The following PTDSS2 variants were observed in gnomAD, a reference collection of about 807,000 sequenced individuals.
PTDSS2 encodes the protein phosphatidylserine synthase 2.
A neutral mutation model predicts 64.7 loss-of-function variants in PTDSS2; 41 were observed. The ratio of observed to expected loss-of-function variants is 0.63; its 90% CI spans 0.49 to 0.82. The LOEUF is 0.82. Among genes scored for constraint, PTDSS2 ranks in the 40% least tolerant of loss-of-function variants. The pLI, the probability that PTDSS2 is intolerant of heterozygous loss-of-function variation, is 0.00. For synonymous variants in PTDSS2, 297 were observed against 277.8 expected, an observed-to-expected ratio of 1.07 and a Z score of -0.69; for missense variants, 485 against 650.0, an observed-to-expected ratio of 0.75 and a Z score of 2.76.
Position 461,862 on chromosome 11 carries a change from G to T in PTDSS2, c.284+1574G>T, listed in dbSNP as rs778086018. Among the ~76,000 whole-genome samples the T allele has an allele frequency of 6.6e-6, 1 of 152,190 alleles. No individual in the cohort carries two copies. Among genetic ancestry groups the T allele is most frequent in the African/African-American group, 2.4e-5 (1 of 41,450 alleles). Reference sequence around the variant, plus strand: ...CCCTGTGGAGGGGCCACCTGGGGACGCTGGACCTGTGGCTCTGGAGGCAGT... The same window carrying T: ...CCCTGTGGAGGGGCCACCTGGGGACTCTGGACCTGTGGCTCTGGAGGCAGT... On this transcript the variant is annotated intron_variant, in intron 2 of 11. Transcript: ENST00000308020. The surrounding 1 kb of genome is among the most constrained non-coding windows in gnomAD (Gnocchi z 4.2).
intron 1 of PTDSS2, among the ~76,000 whole-genome samples, chr11:454,798 AAAAG>A (rs1316917228): frequency 1.3e-5 from 2 of 152,174 alleles, no homozygotes; most frequent in Non-Finnish European, 2.9e-5. Flanking sequence ...CAAAAAGAAA[AAAAG>A]AAGTCAAGTT....
intron 1 of PTDSS2, among the ~76,000 whole-genome samples, chr11:457,663 C>G (rs1200354917): frequency 6.6e-6 from 1 of 152,206 alleles, no homozygotes; most frequent in African/African-American, 2.4e-5. Context: ...TGGTTTGTTT[C>G]CCGTTTTAGG....
intron 2 of PTDSS2, among the ~76,000 whole-genome samples, chr11:471,651 G>T (rs1486309003): frequency 6.7e-6 from 1 of 148,944 alleles, no homozygotes; most frequent in Admixed American, 6.7e-5. Flanking sequence ...GGGGTGACAC[G>T]CACCTGTCTG....
chr11:474,026 G>C, intron 3 of PTDSS2, 49 bp downstream of exon 3: 1 of 1,457,446 alleles, frequency 6.9e-7, no homozygotes, highest in Non-Finnish European at 9.6e-7. Flanking sequence ...TTTCTGTTCT[G>C]AGCGGCCACT....
chr11:487,510 T>C lies in PTDSS2; in HGVS notation c.621+40T>C, dbSNP rs747106198. 15 of 1,588,576 alleles carry C rather than the reference T, an allele frequency of 9.4e-6. No homozygotes were observed. In the Admixed American group the frequency reaches 2.5e-4, roughly 26 times the overall value. ...CTTCCCGGCCTCCCCGCCCCGGTTC[T>C]GAGGCCTGCCGTGGGCTCTGGACCG... On this transcript the variant is annotated intron_variant, in intron 6 of 11. Coordinates refer to ENST00000308020, the MANE Select transcript of PTDSS2 (RefSeq NM_030783.3).
rs753384793 is a variant in PTDSS2 at position 487,038 on chromosome 11, C to A, written c.535C>A (p.Pro179Thr). ...CGGGGGAAACTGCCTCATCTACGAC[C>A]CAGACAATGAGACTGACCCCTTTCA... ...DYGGNCLIYD[P>T]DNETDPFHNI... Residue 179 changes from proline to threonine, a missense_variant, in exon 5 of 12, where the codon CCA becomes ACA. Transcript: ENST00000308020. 6.2e-7 allele frequency: 1 copy of A among 1,613,602 alleles called. No homozygotes were observed. The highest frequency in any genetic ancestry group is 8.5e-7 in the Non-Finnish European group (1 of 1,179,942).
At chr11:466,580 G>T (rs150194278) in intron 2 of PTDSS2, among the ~76,000 whole-genome samples, 1,599 of 151,598 alleles carry the variant, frequency 0.011, 24 homozygotes, top group African/African-American at 0.032. Flanking sequence ...GCTAATTTTT[G>T]TATTTTTTAA....
At chr11:481,376 T>G (rs12099375) in intron 4 of PTDSS2, among the ~76,000 whole-genome samples, 143 of 152,370 alleles carry the variant, frequency 9.4e-4, no homozygotes, top group African/African-American at 3.4e-3. Flanking sequence ...ACCCTTTCCA[T>G]TCCTGTGAAA....
intron 4 of PTDSS2, among the ~76,000 whole-genome samples, chr11:480,784 A>G (rs1443247109): frequency 6.6e-6 from 1 of 152,016 alleles, no homozygotes; most frequent in Non-Finnish European, 1.5e-5. Context: ...CCTGACCTCA[A>G]ATGATCCGCC....
chr11:461,368 G>C lies in PTDSS2; in HGVS notation c.284+1080G>C, dbSNP rs1187404268. Among the ~76,000 whole-genome samples, 1 of 152,232 alleles carries C rather than the reference G, an allele frequency of 6.6e-6. No homozygotes were observed. The highest frequency in any genetic ancestry group is 2.1e-4 in the South Asian group (1 of 4,824). Reference sequence around the variant, plus strand: ...CCCAGTGCCCTGTCTGTAGGGGAGCGGATGCTTTAGAATCACGCACAGCAG... The same window carrying C: ...CCCAGTGCCCTGTCTGTAGGGGAGCCGATGCTTTAGAATCACGCACAGCAG... On this transcript the variant is annotated intron_variant, in intron 2 of 11. Transcript: ENST00000308020. This position sits in a 1 kb window ranked among gnomAD's most constrained non-coding sequence, Gnocchi z 4.2.
Position 490,771 on chromosome 11 carries a change from C to CGTGTGTGCGTGTGTATGCGT in PTDSS2, c.*195_*196insGCGTGTGTATGCGTGTGTGT. ...GCACAGCCTCATCTCCATGTGTACA[C>CGTGTGTGCGTGTGTATGCGT]GTGTGTACGTGTGTATGCGTGTGTG... is the stretch of plus-strand genomic sequence containing the variant. On this transcript the variant is annotated 3_prime_UTR_variant, in exon 12 of 12. Coordinates refer to ENST00000308020, the MANE Select transcript of PTDSS2 (RefSeq NM_030783.3). 3.4e-6 allele frequency: 2 copies of CGTGTGTGCGTGTGTATGCGT among 597,010 alleles called. No individual in the cohort carries two copies. Among genetic ancestry groups the CGTGTGTGCGTGTGTATGCGT allele is most frequent in the Middle Eastern group, 4.3e-4 (1 of 2,302 alleles). The allele number at this position is 597,010 out of a possible 1,614,324, so 37.0% of individuals were successfully genotyped here. A position where few individuals can be genotyped will look rare whatever the true frequency, so the allele number is the denominator to read the frequency against.
intron 8 of PTDSS2, 137 bp from the exon 9 acceptor site, chr11:489,263 G>A: frequency 1.4e-6 from 1 of 697,894 alleles, no homozygotes; most frequent in Non-Finnish European, 2.5e-6. Context: ...GCACAGGGCG[G>A]GGCGGGGTGA....
At chr11:454,320 C>T (rs1846485531) in intron 1 of PTDSS2, among the ~76,000 whole-genome samples, 1 of 152,134 alleles carries the variant, frequency 6.6e-6, no homozygotes, top group Non-Finnish European at 1.5e-5. Context: ...CGGTGGCCAC[C>T]TCAATGACAG....
rs558398791 is a variant in PTDSS2 at position 486,460 on chromosome 11, C to T, written c.436-479C>T. ...CGTGCCTGGGGGTTCCTTCCCCACG[C>T]GCTGCCCCACCAGGATTTCCCTGGG... On this transcript the variant is annotated intron_variant, in intron 4 of 11. Coordinates refer to ENST00000308020, the MANE Select transcript of PTDSS2 (RefSeq NM_030783.3). Among the ~76,000 whole-genome samples, 26 of 152,342 alleles carry T rather than the reference C, an allele frequency of 1.7e-4. No homozygotes were observed. In the East Asian group the frequency reaches 3.5e-3, roughly 20 times the overall value.
chr11:474,169 A>G (rs987613991), intron 3 of PTDSS2, among the ~76,000 whole-genome samples, 192 bp downstream of exon 3: 6 of 151,886 alleles, frequency 4.0e-5, no homozygotes, highest in Non-Finnish European at 4.4e-5. Context: ...TCCTCCAACC[A>G]CCGAGGGTCT....
chr11:459,917 G>A, intron 1 of PTDSS2: 2 of 468,562 alleles, frequency 4.3e-6, no homozygotes, highest in Non-Finnish European at 7.8e-6. Flanking sequence ...GGCAGCATGT[G>A]CCCTCTGAGC....
intron 1 of PTDSS2, among the ~76,000 whole-genome samples, chr11:452,176 C>T (rs971244327): frequency 9.9e-5 from 15 of 152,126 alleles, no homozygotes; most frequent in Non-Finnish European, 8.8e-5. Flanking sequence ...TCTGAGGTCC[C>T]GGAGCGAGGA....
intron 4 of PTDSS2, among the ~76,000 whole-genome samples, chr11:485,378 C>T (rs897009468): frequency 3.6e-5 from 5 of 138,162 alleles, no homozygotes; most frequent in Middle Eastern, 5.2e-3. Context: ...AGTGCATGGG[C>T]ATGTGTGCTG....
chr11:457,503 C>T (rs2133760829), intron 1 of PTDSS2, among the ~76,000 whole-genome samples: 1 of 152,256 alleles, frequency 6.6e-6, no homozygotes, highest in South Asian at 2.1e-4. Flanking sequence ...AGCTCCTGGC[C>T]CAAAACAGTC....
Sources: gnomAD v4.1 joint callset for allele counts (sites outside exome capture counted in the v4.1 genomes callset) on GRCh38, gnomAD v4.1.1 for gene constraint, Gnocchi (gnomAD v3.1) non-coding constraint, MANE v1.5 for transcripts, NCBI Gene and HGNC (gene_info 2026-07-23, HGNC 2026-07-21) for gene names.